Variants in KLF8 observed in about 807,000 individuals in gnomAD.
KLF8 encodes the protein KLF transcription factor 8.
In KLF8, 10 loss-of-function variants were observed where a neutral mutation model predicts 18.2. That is an observed-to-expected ratio of 0.55 (90% CI 0.34 to 0.93). KLF8 has a LOEUF of 0.93. Ranked by LOEUF, KLF8 falls within the 40% of genes least tolerant of loss-of-function variation. The probability of loss-of-function intolerance (pLI) is 0.02; values close to 1 mark genes in which losing one functional copy is unlikely to be tolerated. For missense variants in KLF8, 264 were observed against 277.9 expected, an observed-to-expected ratio of 0.95 and a Z score of 0.36; for synonymous variants, 109 against 97.3, an observed-to-expected ratio of 1.12 and a Z score of -0.71.
At chrX:56,082,891 A>T in the KLF8 span, among the ~76,000 whole-genome samples, 1 of 111,886 alleles carries the variant, frequency 8.9e-6, no homozygotes, top group Non-Finnish European at 1.9e-5. Context: ...TTCTGTTGAG[A>T]AATCCACTGG....
At chrX:55,934,719 C>T in the KLF8 span, among the ~76,000 whole-genome samples, 10 of 112,235 alleles carry the variant, frequency 8.9e-5, no homozygotes, top group African/African-American at 3.2e-4. Flanking sequence ...CAATGTTATT[C>T]GTGCAAGGGA....
At chrX:56,215,256 A>T in the KLF8 span, among the ~76,000 whole-genome samples, 1 of 112,255 alleles carries the variant, frequency 8.9e-6, no homozygotes, top group African/African-American at 3.2e-5. Flanking sequence ...TAAATGAGCC[A>T]GTCATCACTA....
At chrX:56,183,083 G>A in the KLF8 span, among the ~76,000 whole-genome samples, 9 of 112,388 alleles carry the variant, frequency 8.0e-5, no homozygotes, top group Non-Finnish European at 1.3e-4. Flanking sequence ...GTCTACAGAG[G>A]CAAGTAAGCC....
chrX:56,049,811 T>A, the KLF8 span, among the ~76,000 whole-genome samples: 1 of 110,194 alleles, frequency 9.1e-6, no homozygotes, highest in Admixed American at 9.7e-5. Context: ...TCCCTCTTTT[T>A]CTATTGATTG....
the KLF8 span, among the ~76,000 whole-genome samples, chrX:56,105,135 T>C: frequency 1.8e-5 from 2 of 111,666 alleles, no homozygotes; most frequent in African/African-American, 6.5e-5. Flanking sequence ...TTACTTCCAA[T>C]TATGTGGTCA....
chrX:56,253,566 T>C lies in KLF8; in HGVS notation c.81+3262T>C, dbSNP rs188494417. Among the ~76,000 whole-genome samples, 16 of 110,374 alleles carry C rather than the reference T, an allele frequency of 1.4e-4. No individual in the cohort carries two copies. In the Admixed American group the frequency reaches 1.6e-3, roughly 11 times the overall value. ...GGTTCTCTATTTTGTTCCATTGCACTGTATGTTTGTTTTCATGCCAATACA... is the reference window on the plus strand; with the variant it reads ...GGTTCTCTATTTTGTTCCATTGCACCGTATGTTTGTTTTCATGCCAATACA... On this transcript the variant is annotated intron_variant, in intron 2 of 5. Coordinates refer to ENST00000468660, the MANE Select transcript of KLF8 (RefSeq NM_007250.5).
chrX:56,080,258 T>A, the KLF8 span, among the ~76,000 whole-genome samples: 1 of 111,344 alleles, frequency 9.0e-6, no homozygotes, highest in Non-Finnish European at 1.9e-5. Flanking sequence ...GGTCTTTACA[T>A]TTTGGCATGA....
At chrX:56,082,851 A>G in the KLF8 span, among the ~76,000 whole-genome samples, 2 of 111,667 alleles carry the variant, frequency 1.8e-5, no homozygotes, top group African/African-American at 6.5e-5. Context: ...ACCTAAATAT[A>G]TCATTTTGCT....
At chrX:56,112,607 G>A in the KLF8 span, among the ~76,000 whole-genome samples, 1 of 111,384 alleles carries the variant, frequency 9.0e-6, no homozygotes, top group Non-Finnish European at 1.9e-5. Context: ...TATGCTTGAA[G>A]GTGTCCCACA....
At chrX:56,140,805 A>C in the KLF8 span, among the ~76,000 whole-genome samples, 2 of 104,134 alleles carry the variant, frequency 1.9e-5, no homozygotes, top group Non-Finnish European at 3.9e-5. Context: ...AGTAAAAAAA[A>C]AAAAAAAAAA....
chrX:56,171,335 G>A, the KLF8 span, among the ~76,000 whole-genome samples: 2 of 111,953 alleles, frequency 1.8e-5, no homozygotes, highest in Non-Finnish European at 3.8e-5. Flanking sequence ...TATGAAAACA[G>A]TGTTAAGTAG....
the KLF8 span, among the ~76,000 whole-genome samples, chrX:56,103,187 A>G: frequency 7.3e-5 from 8 of 109,905 alleles, no homozygotes; most frequent in African/African-American, 2.3e-4. Context: ...TTGACTTGGC[A>G]ATGTGGGCTC....
upstream of KLF8, among the ~76,000 whole-genome samples, chrX:56,228,756 T>C (rs2066384059): frequency 8.9e-6 from 1 of 111,765 alleles, no homozygotes; most frequent in Non-Finnish European, 1.9e-5. Context: ...GGTCTCCTTC[T>C]AGCTGAGCTC....
the KLF8 span, among the ~76,000 whole-genome samples, chrX:56,085,320 A>G: frequency 8.9e-6 from 1 of 112,111 alleles, no homozygotes; most frequent in African/African-American, 3.2e-5. Flanking sequence ...AAGTTTCACA[A>G]TCTGCCATCT....
chrX:56,169,287 G>A, the KLF8 span, among the ~76,000 whole-genome samples: 13 of 111,636 alleles, frequency 1.2e-4, no homozygotes, highest in Admixed American at 1.1e-3. Flanking sequence ...GCTACAGGAA[G>A]ACACTCTTTT....
the KLF8 span, among the ~76,000 whole-genome samples, chrX:55,963,875 G>A: frequency 8.8e-3 from 978 of 111,351 alleles, 6 homozygotes; most frequent in Non-Finnish European, 0.013. Context: ...TGGCCATAAG[G>A]CAATTCTCAA....
At chrX:56,233,963 G>A in intron 1 of KLF8, among the ~76,000 whole-genome samples, 1 of 111,677 alleles carries the variant, frequency 9.0e-6, no homozygotes. Flanking sequence ...ACGTGGCCAA[G>A]GCAGTTGGTT....
chrX:56,019,114 C>A, the KLF8 span, among the ~76,000 whole-genome samples: 1 of 111,316 alleles, frequency 9.0e-6, no homozygotes, highest in Non-Finnish European at 1.9e-5. Flanking sequence ...GCTTTGAATT[C>A]TGTATAGAAG....
the KLF8 span, among the ~76,000 whole-genome samples, chrX:56,185,523 A>G: frequency 7.2e-5 from 8 of 111,251 alleles, no homozygotes. Flanking sequence ...AATACAGAGA[A>G]CACCACAAAG....
Sources: gnomAD v4.1 joint callset for allele counts (sites outside exome capture counted in the v4.1 genomes callset) on GRCh38, gnomAD v4.1.1 for gene constraint, MANE v1.5 for transcripts, NCBI Gene and HGNC (gene_info 2026-07-23, HGNC 2026-07-21) for gene names.